The following ZFAND4 variants were observed in gnomAD, a reference collection of about 807,000 sequenced individuals.
The protein encoded by ZFAND4 is AN1-type zinc finger protein 4.
A neutral mutation model predicts 64.4 loss-of-function variants in ZFAND4; 43 were observed. That is an observed-to-expected ratio of 0.67 (90% CI 0.52 to 0.86). The LOEUF (loss-of-function observed/expected upper bound fraction) is 0.86, where lower values mean the gene tolerates loss of function less well. Ranked by LOEUF, ZFAND4 falls within the 40% of genes least tolerant of loss-of-function variation. The pLI is 0.00. For synonymous variants in ZFAND4, 296 were observed against 305.7 expected, an observed-to-expected ratio of 0.97 and a Z score of 0.33; for missense variants, 929 against 859.8, an observed-to-expected ratio of 1.08 and a Z score of -1.01.
At chr10:45,633,914 AC>A (rs139429766) in intron 6 of ZFAND4, among the ~76,000 whole-genome samples, 2,028 of 152,340 alleles carry the variant, frequency 0.013, 41 homozygotes, top group African/African-American at 0.044. Flanking sequence ...AAACATTACA[AC>A]GAAATGCAAT....
intron 1 of ZFAND4, among the ~76,000 whole-genome samples, chr10:45,670,374 G>A (rs1346938854): frequency 6.6e-6 from 1 of 151,984 alleles, no homozygotes; most frequent in Non-Finnish European, 1.5e-5. Flanking sequence ...TTACAGGCAT[G>A]TGCCACCACG....
At chr10:45,665,355 A>C (rs192325421) in intron 1 of ZFAND4, among the ~76,000 whole-genome samples, 20 of 152,110 alleles carry the variant, frequency 1.3e-4, no homozygotes, top group African/African-American at 4.6e-4. Context: ...GCCTGGCCAA[A>C]ATGGCGAAAC....
intron 5 of ZFAND4, among the ~76,000 whole-genome samples, chr10:45,646,720 T>A (rs546489668): frequency 1.7e-4 from 26 of 152,266 alleles, no homozygotes; most frequent in Non-Finnish European, 3.1e-4. Context: ...CTGAGGAGCT[T>A]GGGTTTCCTT....
chr10:45,664,361 C>A (rs1040091582), intron 1 of ZFAND4, among the ~76,000 whole-genome samples: 1 of 151,622 alleles, frequency 6.6e-6, no homozygotes, highest in African/African-American at 2.4e-5. Flanking sequence ...CTCCGCCTCC[C>A]GGGTTCAAGC....
chr10:45,624,000 A>G (rs1036593453), intron 8 of ZFAND4, among the ~76,000 whole-genome samples: 2 of 152,210 alleles, frequency 1.3e-5, no homozygotes, highest in African/African-American at 4.8e-5. Context: ...TGGTCTGGGT[A>G]TTAAAACATT....
At chr10:45,635,195 C>CAAAAAAAAAAAAAAAAA (rs1173808756) in intron 6 of ZFAND4, among the ~76,000 whole-genome samples, 58 of 27,602 alleles carry the variant, frequency 2.1e-3, no homozygotes, top group East Asian at 3.8e-3. Context: ...GCCATCTAAG[C>CAAAAAAAAAAAAAAAAA]AAAAAAAAAA....
At chr10:45,625,664 G>A (rs1342904885) in intron 7 of ZFAND4, among the ~76,000 whole-genome samples, 1 of 152,098 alleles carries the variant, frequency 6.6e-6, no homozygotes, top group Non-Finnish European at 1.5e-5. Context: ...GCTAAGGCAG[G>A]AGGATTGCTT....
chr10:45,659,985 G>A (rs1307752123), intron 2 of ZFAND4, among the ~76,000 whole-genome samples: 1 of 151,992 alleles, frequency 6.6e-6, no homozygotes, highest in East Asian at 1.9e-4. Flanking sequence ...AGACCATCCT[G>A]ACTAACACGG....
chr10:45,663,550 C>A lies in ZFAND4; in HGVS notation c.176G>T (p.Arg59Ile). The A allele has an allele frequency of 6.3e-7, 1 of 1,590,474 alleles. No homozygotes were observed. Among genetic ancestry groups the A allele is most frequent in the South Asian group, 1.2e-5 (1 of 85,946 alleles). The change falls in exon 2 of 10, where the codon AGA becomes ATA. Residue 59 changes from arginine (R) to isoleucine (I), a missense_variant. Arg to Ile is a moderately conservative substitution (Grantham distance 97, BLOSUM62 -3). Coordinates refer to ENST00000344646, the MANE Select transcript of ZFAND4 (RefSeq NM_174890.4). ...CAAAGAAAGATGAGTACCTTCCAAT[C>A]TTCGAATTTTTGCTTTCACAGAAAT... ...TVISVKAKIR[R>I]LEGIPICRQH...
In ZFAND4 at chr10:45,626,095, G is replaced by C; in HGVS notation, c.1728C>G (p.Ser576Arg). The C allele has an allele frequency of 1.2e-6, 2 of 1,614,070 alleles. No individual in the cohort carries two copies. Among genetic ancestry groups the C allele is most frequent in the South Asian group, 2.2e-5 (2 of 91,074 alleles). Residue 576 changes from serine to arginine, a missense_variant, in exon 7 of 10, where the codon AGC (serine) becomes AGG (arginine). By Grantham distance (110) the Ser-to-Arg change is moderately radical. Transcript: ENST00000344646. Reference sequence around the variant, plus strand: ...TGCTCTGTAATCTATTTCTGCTTGTGCTCCCGGCCAGTGAGGCAAGAAAAC... The same window carrying C: ...TGCTCTGTAATCTATTTCTGCTTGTCCTCCCGGCCAGTGAGGCAAGAAAAC... ...NISFLASLAG[S>R]TSRNRLQSTR...
intron 8 of ZFAND4, among the ~76,000 whole-genome samples, chr10:45,619,955 A>T (rs1170856421): frequency 6.6e-6 from 1 of 152,218 alleles, no homozygotes; most frequent in Non-Finnish European, 1.5e-5. Flanking sequence ...GTATTTTTAA[A>T]AAGATATTTA....
At chr10:45,634,468 G>T (rs113235568) in intron 6 of ZFAND4, among the ~76,000 whole-genome samples, 8,980 of 150,874 alleles carry the variant, frequency 0.06, 388 homozygotes, top group African/African-American at 0.12. Context: ...GGTGGAGGTT[G>T]CAGTGAGCCG....
Position 45,648,369 on chromosome 10 carries a change from G to T in ZFAND4, c.494C>A (p.Thr165Lys). The change falls in exon 5 of 10, where the codon ACA becomes AAA. Residue 165 changes from threonine to lysine, a missense_variant. Thr to Lys is a moderately conservative substitution (Grantham distance 78). Transcript: ENST00000344646. ...TTTCTTTGAAGAGTCAGATAACGGT[G>T]TTAAAGTGCCATCTCCCCTATCTAC... is the stretch of plus-strand genomic sequence containing the variant. ...PAVDRGDGTL[T>K]PLSDSSKKID... 1 of 1,614,020 alleles carries T rather than the reference G, an allele frequency of 6.2e-7. No individual in the cohort carries two copies. Among genetic ancestry groups the T allele is most frequent in the Non-Finnish European group, 8.5e-7 (1 of 1,179,962 alleles).
chr10:45,626,495 T>TCC lies in ZFAND4; in HGVS notation c.1327_1328insGG (p.Lys443ArgfsTer8), dbSNP rs769980152. On this transcript the variant is annotated frameshift_variant, in exon 7 of 10. Coordinates refer to ENST00000344646, the MANE Select transcript of ZFAND4 (RefSeq NM_174890.4). LOFTEE classifies it high-confidence loss of function. The stretch of plus-strand genomic sequence containing the variant: ...CCCATTCAGCACTCCTGCAACATGC[T>TCC]TGAGATGCTGCTCTGGAGCTTTCAA... The TCC allele has an allele frequency of 6.2e-7, 1 of 1,613,920 alleles. No homozygotes were observed. The highest frequency in any genetic ancestry group is 1.1e-5 in the South Asian group (1 of 91,082).
In ZFAND4 at chr10:45,663,750, A is replaced by C; in HGVS notation, c.-25T>G. 6.4e-7 allele frequency: 1 copy of C among 1,567,572 alleles called. No homozygotes were observed. The highest frequency in any genetic ancestry group is 8.6e-7 in the Non-Finnish European group (1 of 1,162,530). On this transcript the variant is annotated 5_prime_UTR_variant, in exon 2 of 10. It introduces an in-frame stop codon into an upstream open reading frame of the 5' UTR. Coordinates refer to ENST00000344646, the MANE Select transcript of ZFAND4 (RefSeq NM_174890.4). ...TTACTTTGACTTTTCTAGTTCTTCT[A>C]AAATATGTCGCAGGCAACTGTATTC...
At chr10:45,666,857 T>G (rs566304014) in intron 1 of ZFAND4, among the ~76,000 whole-genome samples, 1 of 152,364 alleles carries the variant, frequency 6.6e-6, no homozygotes, top group South Asian at 2.1e-4. Flanking sequence ...CTTTATTCTG[T>G]TGATCTACCT....
chr10:45,652,335 T>A (rs1171014324), intron 3 of ZFAND4, among the ~76,000 whole-genome samples: 4 of 152,186 alleles, frequency 2.6e-5, no homozygotes, highest in Admixed American at 2.0e-4. Flanking sequence ...AGAACAAAAG[T>A]GGCATGCCGG....
rs1178841295 is a variant in ZFAND4, at chr10:45,672,684, G to C, written c.-552C>G. On this transcript the variant is annotated 5_prime_UTR_variant, in exon 1 of 10. Transcript: ENST00000344646. ...GCTCGCTAGCTCAGCCTCACCCGCA[G>C]TCTTGTCCGCTGGCTCGCTCGCCCG... 1 of 152,154 alleles carries C rather than the reference G, an allele frequency of 6.6e-6. No individual in the cohort carries two copies. Among genetic ancestry groups the C allele is most frequent in the Non-Finnish European group, 1.5e-5 (1 of 68,048 alleles). 9.4% of individuals were successfully genotyped at this position (152,154 alleles called of 1,614,324 possible). A position where few individuals can be genotyped will look rare whatever the true frequency, so the allele number is the denominator to read the frequency against.
intron 6 of ZFAND4, among the ~76,000 whole-genome samples, chr10:45,633,392 A>G (rs1363208102): frequency 2.0e-5 from 3 of 152,140 alleles, no homozygotes; most frequent in African/African-American, 4.8e-5. Context: ...GTTCCATGCA[A>G]TAAAACTAGA....
Sources: gnomAD v4.1 joint callset for allele counts (sites outside exome capture counted in the v4.1 genomes callset) on GRCh38, gnomAD v4.1.1 for gene constraint, MANE v1.5 for transcripts, NCBI Gene and HGNC (gene_info 2026-07-23, HGNC 2026-07-21) for gene names.